EML5: variants seen among roughly 807,000 people sequenced by gnomAD.
EML5 encodes the protein echinoderm microtubule-associated protein-like 5.
A neutral mutation model predicts 250.0 loss-of-function variants in EML5; 120 were observed. The observed-to-expected ratio is 0.48, with a 90% CI of 0.41 to 0.56. The LOEUF (loss-of-function observed/expected upper bound fraction) is 0.56, where lower values mean the gene tolerates loss of function less well. Among genes scored for constraint, EML5 ranks in the 20% least tolerant of loss-of-function variants. The pLI is 0.00. For missense variants in EML5, 2,006 were observed against 2,437.6 expected, an observed-to-expected ratio of 0.82 and a Z score of 3.73; for synonymous variants, 771 against 806.5, an observed-to-expected ratio of 0.96 and a Z score of 0.75.
chr14:88,726,155 TAAC>T lies in EML5; in HGVS notation c.1187+383_1187+385del, dbSNP rs527265995. 3.1e-3 allele frequency among the ~76,000 whole-genome samples: 466 copies of T among 152,058 alleles called. 3 individuals carry two copies. The highest frequency in any genetic ancestry group is 0.011 in the African/African-American group (447 of 41,514). ...ATTTTTTAAAGCATAAGGCTGTAAA[TAAC>T]AACAACAACAACAACAACCCCATTT... On this transcript the variant is annotated intron_variant, in intron 8 of 43. Transcript: ENST00000554922.
intron 1 of EML5, among the ~76,000 whole-genome samples, chr14:88,783,874 C>T (rs1384441293): frequency 6.6e-6 from 1 of 152,154 alleles, no homozygotes; most frequent in Non-Finnish European, 1.5e-5. Flanking sequence ...TTTTCCTCAG[C>T]ACATGGATTA....
intron 31 of EML5, among the ~76,000 whole-genome samples, chr14:88,639,337 C>T (rs1429355973): frequency 6.6e-6 from 1 of 152,108 alleles, no homozygotes; most frequent in East Asian, 1.9e-4. Flanking sequence ...ATATAACAGG[C>T]TCATTTGGCT....
intron 8 of EML5, among the ~76,000 whole-genome samples, chr14:88,721,841 T>G (rs2093594391): frequency 6.6e-6 from 1 of 150,960 alleles, no homozygotes; most frequent in South Asian, 2.1e-4. Flanking sequence ...ACCTACAGAG[T>G]GGGAAAAAAT....
At chr14:88,780,327 T>G (rs552858021) in intron 1 of EML5, among the ~76,000 whole-genome samples, 5 of 152,142 alleles carry the variant, frequency 3.3e-5, no homozygotes, top group African/African-American at 4.8e-5. Flanking sequence ...GATATTTGTA[T>G]AGCAAACAGA....
chr14:88,627,666 G>T lies in EML5; in HGVS notation c.4511C>A (p.Thr1504Asn). ...CCTACCTTCCTGCCATCTCCAAATG[G>T]TAATAGTATGTTCTGGGTCTAGTCC... The part of the protein sequence containing the change: ...SVGLDPEHTI[T>N]IWRWQEGAKI... The change falls in exon 34 of 44, where the codon ACC becomes AAC. Residue 1504 changes from threonine (T) to asparagine (N), a missense_variant. By Grantham distance (65) the Thr-to-Asn change is moderately conservative. Transcript: ENST00000554922. 1 of 1,606,408 alleles carries T rather than the reference G, an allele frequency of 6.2e-7. No individual in the cohort carries two copies. Among genetic ancestry groups the T allele is most frequent in the East Asian group, 2.2e-5 (1 of 44,774 alleles).
intron 31 of EML5, among the ~76,000 whole-genome samples, chr14:88,640,941 A>G (rs1411979823): frequency 6.6e-6 from 1 of 152,064 alleles, no homozygotes; most frequent in African/African-American, 2.4e-5. Flanking sequence ...TAAATACACA[A>G]ACTAGAAGAT....
intron 32 of EML5, among the ~76,000 whole-genome samples, chr14:88,638,256 C>T (rs964078046): frequency 2.6e-5 from 4 of 152,156 alleles, no homozygotes; most frequent in Non-Finnish European, 5.9e-5. Context: ...CTTTGTTTAA[C>T]AGTTTTTCAC....
chr14:88,778,573 G>A (rs2094468659), intron 1 of EML5, among the ~76,000 whole-genome samples: 1 of 152,346 alleles, frequency 6.6e-6, no homozygotes, highest in Admixed American at 6.5e-5. Context: ...GAGGTCAGGA[G>A]ATCCAGGCCA....
At chr14:88,691,512 A>G (rs1274135183) in intron 17 of EML5, among the ~76,000 whole-genome samples, 1 of 152,212 alleles carries the variant, frequency 6.6e-6, no homozygotes, top group East Asian at 1.9e-4. Flanking sequence ...ATGAGGTCAT[A>G]TAATCAGCTC....
At chr14:88,746,727 G>A (rs1453825304) in intron 2 of EML5, among the ~76,000 whole-genome samples, 3 of 152,126 alleles carry the variant, frequency 2.0e-5, no homozygotes, top group African/African-American at 7.2e-5. Context: ...GCTGTGGGCT[G>A]AGGAAGATAG....
Position 88,792,519 on chromosome 14 carries a change from C to T in EML5, c.-16G>A. 3.7e-6 allele frequency: 5 copies of T among 1,346,702 alleles called. No individual in the cohort carries two copies. Among genetic ancestry groups the T allele is most frequent in the Non-Finnish European group, 4.8e-6 (5 of 1,039,860 alleles). The allele number at this position is 1,346,702 out of a possible 1,614,324, so 83.4% of individuals were successfully genotyped here. On this transcript the variant is annotated 5_prime_UTR_variant, in exon 1 of 44. Coordinates refer to ENST00000554922, the MANE Select transcript of EML5 (RefSeq NM_183387.3). The surrounding 1 kb of genome is among the most constrained non-coding windows in gnomAD (Gnocchi z 6.9). ...GGGCCGCCATGTCGGGGCGCCCACC[C>T]GCCGCTCCCGCTCGGGCCCGCGGCG...
At chr14:88,627,074 G>A in intron 34 of EML5, 28 bp from the exon 35 acceptor site, 1 of 1,606,388 alleles carries the variant, frequency 6.2e-7, no homozygotes, top group Non-Finnish European at 8.5e-7. Context: ...AATTATCTAG[G>A]TTATTACAAG....
chr14:88,695,365 C>A lies in EML5; in HGVS notation c.2434G>T (p.Ala812Ser), dbSNP rs759249686. The A allele has an allele frequency of 1.9e-6, 3 of 1,607,198 alleles. No individual in the cohort carries two copies. The highest frequency in any genetic ancestry group is 2.2e-5 in the South Asian group (2 of 88,946). ...DWKKGEKLSI[A>S]RGSKDKIFVV... ...GATATCAAGTTTTTTTCCTACCTTG[C>A]TATTGAAAGTTTCTCTCCTTTCTTC... is the stretch of plus-strand genomic sequence containing the variant. Residue 812 changes from alanine to serine, a missense_variant, in exon 16 of 44, where the codon GCA (alanine) becomes TCA (serine). Transcript: ENST00000554922.
intron 2 of EML5, among the ~76,000 whole-genome samples, chr14:88,749,636 AGAAAG>A (rs2094061443): frequency 6.6e-6 from 1 of 151,758 alleles, no homozygotes; most frequent in Non-Finnish European, 1.5e-5. Flanking sequence ...CATAAACAGA[AGAAAG>A]GAAACAGCAG....
chr14:88,723,014 G>A (rs1366938404), intron 8 of EML5, among the ~76,000 whole-genome samples: 2 of 152,104 alleles, frequency 1.3e-5, no homozygotes, highest in African/African-American at 2.4e-5. Flanking sequence ...AAGAAGGAGG[G>A]AAGGACAGTT....
At chr14:88,649,952 A>T in intron 27 of EML5, 26 bp from the exon 28 acceptor site, 1 of 1,463,608 alleles carries the variant, frequency 6.8e-7, no homozygotes, top group Non-Finnish European at 9.0e-7. Flanking sequence ...GGGGGAAAAA[A>T]GTAGGAAAAC....
intron 21 of EML5, among the ~76,000 whole-genome samples, chr14:88,676,446 C>T (rs377441539): frequency 3.9e-5 from 6 of 152,136 alleles, no homozygotes; most frequent in Non-Finnish European, 8.8e-5. Context: ...GAGAACAGCA[C>T]GGGAAAGACC....
At chr14:88,698,172 A>T (rs58984912) in intron 14 of EML5, among the ~76,000 whole-genome samples, 36,099 of 151,930 alleles carry the variant, frequency 0.24, 4,474 homozygotes, top group East Asian at 0.38. Flanking sequence ...TAGTACCAGT[A>T]ACTTTTAAGT....
At chr14:88,651,328 G>C (rs2091617128) in intron 27 of EML5, among the ~76,000 whole-genome samples, 1 of 151,740 alleles carries the variant, frequency 6.6e-6, no homozygotes, top group South Asian at 2.1e-4. Flanking sequence ...AAATTACTTT[G>C]AAAAAGTTAG....
Sources: gnomAD v4.1 joint callset for allele counts (sites outside exome capture counted in the v4.1 genomes callset) on GRCh38, gnomAD v4.1.1 for gene constraint, Gnocchi (gnomAD v3.1) non-coding constraint, MANE v1.5 for transcripts, NCBI Gene and HGNC (gene_info 2026-07-23, HGNC 2026-07-21) for gene names.